Variants in SLC17A8 observed in about 807,000 individuals in gnomAD.
SLC17A8 encodes the protein solute carrier family 17 member 8, also known as vesicular glutamate transporter 3.
In SLC17A8, 31 loss-of-function variants were observed where a neutral mutation model predicts 58.0. The observed-to-expected ratio is 0.53, with a 90% CI of 0.40 to 0.72. The LOEUF is 0.72. SLC17A8 is among the 30% of genes least tolerant of loss of function. The probability of loss-of-function intolerance (pLI) is 0.00; values close to 1 mark genes in which losing one functional copy is unlikely to be tolerated. For synonymous variants in SLC17A8, 228 were observed against 249.0 expected, an observed-to-expected ratio of 0.92 and a Z score of 0.79; for missense variants, 655 against 727.8, an observed-to-expected ratio of 0.90 and a Z score of 1.15.
At chr12:100,390,889 T>C in intron 2 of SLC17A8, 112 bp from the exon 3 acceptor site, 1 of 792,814 alleles carries the variant, frequency 1.3e-6, no homozygotes. Context: ...ATGTGTTAAA[T>C]AAATGAAAAA....
chr12:100,408,746 A>C (rs1028888443), intron 9 of SLC17A8, among the ~76,000 whole-genome samples: 1 of 152,172 alleles, frequency 6.6e-6, no homozygotes, highest in African/African-American at 2.4e-5. Context: ...GACTTTCTGC[A>C]TGCTTCTGTT....
At chr12:100,374,715 T>C (rs1253888328) in intron 1 of SLC17A8, among the ~76,000 whole-genome samples, 1 of 152,124 alleles carries the variant, frequency 6.6e-6, no homozygotes, top group Non-Finnish European at 1.5e-5. Flanking sequence ...GCCACAGCAA[T>C]ATTATGCAAA....
intron 8 of SLC17A8, 110 bp downstream of exon 8, chr12:100,402,855 T>G (rs1236846036): frequency 8.9e-7 from 1 of 1,125,184 alleles, no homozygotes; most frequent in Non-Finnish European, 1.3e-6. Context: ...TCATAACAGT[T>G]CTGTGACACC....
rs778368300 is a variant in SLC17A8 at position 100,420,096 on chromosome 12, C to T, written c.1707C>T (p.Thr569=). 1 of 1,613,832 alleles carries T rather than the reference C, an allele frequency of 6.2e-7. No homozygotes were observed. Among genetic ancestry groups the T allele is most frequent in the Non-Finnish European group, 8.5e-7 (1 of 1,179,970 alleles). ...AATGGAAAGGACAGAGAGGAGCGAC[C>T]CTTGATGAGGAAGAGCTGACATCCT... ...KKEWKGQRGA[T]LDEEELTSYQ... is the part of the protein sequence containing the mutation. Residue 569 remains threonine, a synonymous_variant, in exon 12 of 12, where the codon ACC becomes ACT. Coordinates refer to ENST00000323346, the MANE Select transcript of SLC17A8 (RefSeq NM_139319.3).
At chr12:100,361,443 C>T (rs1431798078) in intron 1 of SLC17A8, among the ~76,000 whole-genome samples, 1 of 152,240 alleles carries the variant, frequency 6.6e-6, no homozygotes, top group African/African-American at 2.4e-5. Flanking sequence ...TCGCTTTCTT[C>T]AAGTATGTGC....
At chr12:100,408,401 C>T (rs1020518059) in intron 9 of SLC17A8, among the ~76,000 whole-genome samples, 3 of 152,114 alleles carry the variant, frequency 2.0e-5, no homozygotes, top group African/African-American at 7.2e-5. Context: ...GAATCAGTTG[C>T]AAGTGTGAAC....
chr12:100,391,380 C>G (rs560617846), intron 3 of SLC17A8, among the ~76,000 whole-genome samples: 2 of 136,950 alleles, frequency 1.5e-5, no homozygotes, highest in African/African-American at 5.3e-5. Context: ...TGCCCCACCC[C>G]CTCCCCCACC....
intron 1 of SLC17A8, among the ~76,000 whole-genome samples, chr12:100,361,081 G>A (rs1262656433): frequency 6.6e-6 from 1 of 152,092 alleles, no homozygotes; most frequent in Non-Finnish European, 1.5e-5. Flanking sequence ...GGTGATCCTG[G>A]GTTCCAACTG....
intron 9 of SLC17A8, among the ~76,000 whole-genome samples, chr12:100,405,731 A>G (rs1952822123): frequency 6.6e-6 from 1 of 152,196 alleles, no homozygotes; most frequent in African/African-American, 2.4e-5. Flanking sequence ...TTTAGAGGTG[A>G]CATCTAATCA....
At chr12:100,388,170 C>T (rs940770347) in intron 2 of SLC17A8, among the ~76,000 whole-genome samples, 21 of 152,148 alleles carry the variant, frequency 1.4e-4, no homozygotes, top group African/African-American at 5.1e-4. Flanking sequence ...ATGACTTGCT[C>T]CCTTCCTTTC....
intron 3 of SLC17A8, among the ~76,000 whole-genome samples, chr12:100,392,149 G>A (rs761479008): frequency 3.9e-5 from 6 of 151,950 alleles, no homozygotes; most frequent in Non-Finnish European, 8.8e-5. Flanking sequence ...TTTCCCATAT[G>A]ACTTTCCATA....
intron 5 of SLC17A8, among the ~76,000 whole-genome samples, chr12:100,398,744 T>G (rs1278706883): frequency 6.6e-6 from 1 of 152,152 alleles, no homozygotes; most frequent in Admixed American, 6.5e-5. Context: ...AATCTCATCT[T>G]GTAGCTCCCA....
chr12:100,391,170 A>G (rs1952713359), intron 3 of SLC17A8, 51 bp downstream of exon 3: 3 of 1,308,832 alleles, frequency 2.3e-6, no homozygotes, highest in Non-Finnish European at 3.3e-6. Context: ...GTGGCTTTGT[A>G]CCTATAAATT....
intron 2 of SLC17A8, among the ~76,000 whole-genome samples, chr12:100,389,568 T>C (rs1366002093): frequency 6.6e-6 from 1 of 151,656 alleles, no homozygotes; most frequent in Non-Finnish European, 1.5e-5. Flanking sequence ...TCTCTCTGTG[T>C]ATATACATAT....
At position 100,420,421 on chromosome 12, in the gene SLC17A8, G is replaced by A. The variant is rs531172019; in HGVS notation, c.*262G>A. On this transcript the variant is annotated 3_prime_UTR_variant, in exon 12 of 12. Coordinates refer to ENST00000323346, the MANE Select transcript of SLC17A8 (RefSeq NM_139319.3). ...TCAAAGAGCTAAACTTATTCAGAAAGGAATGACTAGAAGAAAAAGGAGACA... is the reference window on the plus strand; with the variant it reads ...TCAAAGAGCTAAACTTATTCAGAAAAGAATGACTAGAAGAAAAAGGAGACA... 2 of 421,554 alleles carry A rather than the reference G, an allele frequency of 4.7e-6. No homozygotes were observed. Among genetic ancestry groups the A allele is most frequent in the South Asian group, 6.4e-5 (2 of 31,142 alleles). The allele number at this position is 421,554 out of a possible 1,614,324, so 26.1% of individuals were successfully genotyped here.
chr12:100,406,538 A>ATT (rs142080424), intron 9 of SLC17A8, among the ~76,000 whole-genome samples: 15 of 142,140 alleles, frequency 1.1e-4, no homozygotes, highest in African/African-American at 1.5e-4. Context: ...ATATGATCTC[A>ATT]TTTTTTTTTT....
Position 100,419,918 on chromosome 12 carries a change from C to T in SLC17A8, c.1529C>T (p.Ala510Val), listed in dbSNP as rs765964518. 6.2e-7 allele frequency: 1 copy of T among 1,613,902 alleles called. No individual in the cohort carries two copies. Among genetic ancestry groups the T allele is most frequent in the Non-Finnish European group, 8.5e-7 (1 of 1,180,028 alleles). Residue 510 changes from alanine (A) to valine (V), a missense_variant, in exon 12 of 12, where the codon GCT becomes GTT. By Grantham distance (64) the Ala-to-Val change is moderately conservative. Coordinates refer to ENST00000323346, the MANE Select transcript of SLC17A8 (RefSeq NM_139319.3). ...GCTTCTGGGGAGAAACAGGAGTGGG[C>T]TGACCCAGAGAATCTCTCTGAGGAG... ...VFASGEKQEW[A>V]DPENLSEEKC...
At chr12:100,364,717 A>G (rs1288589438) in intron 1 of SLC17A8, among the ~76,000 whole-genome samples, 1 of 152,098 alleles carries the variant, frequency 6.6e-6, no homozygotes, top group African/African-American at 2.4e-5. Flanking sequence ...GTCCTCCAAT[A>G]TTGCTTTAAA....
In SLC17A8 at chr12:100,420,301, A is replaced by AT; in HGVS notation, c.*144dup. 4.5e-6 allele frequency: 3 copies of AT among 669,082 alleles called. No individual in the cohort carries two copies. The highest frequency in any genetic ancestry group is 7.8e-6 in the Non-Finnish European group (3 of 382,738). The allele number at this position is 669,082 out of a possible 1,614,324, so 41.4% of individuals were successfully genotyped here. A position where few individuals can be genotyped will look rare whatever the true frequency, so the allele number is the denominator to read the frequency against. On this transcript the variant is annotated 3_prime_UTR_variant, in exon 12 of 12. Coordinates refer to ENST00000323346, the MANE Select transcript of SLC17A8 (RefSeq NM_139319.3). ...AACCAGCAACAGGGAAAAGAGAAATATTATCTTTCAATGACATGTATAGGT... is the reference window on the plus strand; with the variant it reads ...AACCAGCAACAGGGAAAAGAGAAATATTTATCTTTCAATGACATGTATAGGT...
Sources: gnomAD v4.1 joint callset for allele counts (sites outside exome capture counted in the v4.1 genomes callset) on GRCh38, gnomAD v4.1.1 for gene constraint, MANE v1.5 for transcripts, NCBI Gene and HGNC (gene_info 2026-07-23, HGNC 2026-07-21) for gene names.